Variants in EYS observed in about 807,000 individuals in gnomAD.
EYS encodes the protein protein eyes shut homolog.
A neutral mutation model predicts 282.1 loss-of-function variants in EYS; 250 were observed. That is an observed-to-expected ratio of 0.89 (90% CI 0.80 to 0.98). EYS has a LOEUF of 0.98. Among genes scored for constraint, EYS ranks in the 50% least tolerant of loss-of-function variants. The pLI is 0.00. For missense variants in EYS, 4,016 were observed against 3,709.0 expected (o/e 1.08, Z -2.15); for synonymous variants, 1,355 against 1,282.9 (o/e 1.06, Z -1.20).
At position 65,107,405 on chromosome 6, in the gene EYS, A is replaced by G. The variant is rs540287716; in HGVS notation, c.2024-49678T>C. 7.9e-5 allele frequency among the ~76,000 whole-genome samples: 12 copies of G among 151,524 alleles called. No homozygotes were observed. The South Asian group carries it at 2.3e-3, about 29-fold the overall frequency. The stretch of plus-strand genomic sequence containing the variant: ...GTTATTGTTATATAACACCTACAAT[A>G]TAATTGATTGGCTCTTGGGAACATA... On this transcript the variant is annotated intron_variant, in intron 12 of 42. Coordinates refer to ENST00000503581, the MANE Select transcript of EYS (RefSeq NM_001142800.2).
chr6:64,607,848 T>C (rs1446829103), intron 24 of EYS, among the ~76,000 whole-genome samples: 2 of 152,096 alleles, frequency 1.3e-5, no homozygotes, highest in Non-Finnish European at 2.9e-5. Flanking sequence ...TTCTAACATT[T>C]GCTATCTATG....
chr6:64,625,834 A>G (rs188919128), intron 23 of EYS, among the ~76,000 whole-genome samples: 1 of 152,336 alleles, frequency 6.6e-6, no homozygotes. Flanking sequence ...TGATACAAAG[A>G]TCAGAAGTAT....
intron 2 of EYS, among the ~76,000 whole-genome samples, chr6:65,502,972 C>T (rs1240582085): frequency 6.6e-6 from 1 of 151,646 alleles, no homozygotes; most frequent in Non-Finnish European, 1.5e-5. Context: ...ACTCTTTTAA[C>T]CCTGCCTCCA....
At chr6:65,176,714 A>G (rs1163339425) in intron 12 of EYS, among the ~76,000 whole-genome samples, 1 of 151,684 alleles carries the variant, frequency 6.6e-6, no homozygotes, top group Non-Finnish European at 1.5e-5. Context: ...AATTAGAGAT[A>G]GTAATGTCTA....
At chr6:65,625,331 T>C (rs373478099) in intron 2 of EYS, among the ~76,000 whole-genome samples, 6 of 152,220 alleles carry the variant, frequency 3.9e-5, no homozygotes, top group African/African-American at 9.6e-5. Flanking sequence ...AATTCTGACC[T>C]CTTGAAACTG....
chr6:64,810,520 A>T (rs1764561556), intron 22 of EYS, among the ~76,000 whole-genome samples: 1 of 152,066 alleles, frequency 6.6e-6, no homozygotes, highest in African/African-American at 2.4e-5. Flanking sequence ...ACAACAAAAT[A>T]TTTTAGGTTG....
chr6:64,669,590 T>A (rs1769368266), intron 22 of EYS, among the ~76,000 whole-genome samples: 1 of 152,348 alleles, frequency 6.6e-6, no homozygotes, highest in Admixed American at 6.5e-5. Flanking sequence ...ATTAAGTGAT[T>A]GCATTTATTT....
At chr6:64,876,000 G>A (rs1012320812) in intron 19 of EYS, among the ~76,000 whole-genome samples, 1 of 151,832 alleles carries the variant, frequency 6.6e-6, no homozygotes, top group Non-Finnish European at 1.5e-5. Context: ...CAATGATAAA[G>A]TTACTTGTCT....
chr6:64,481,619 G>A (rs757930507), intron 26 of EYS, among the ~76,000 whole-genome samples: 1 of 151,338 alleles, frequency 6.6e-6, no homozygotes, highest in Non-Finnish European at 1.5e-5. Context: ...GTCATAGAAT[G>A]TTAGTCCTGA....
chr6:64,397,069 T>C (rs541054412), intron 28 of EYS, among the ~76,000 whole-genome samples: 2 of 152,292 alleles, frequency 1.3e-5, no homozygotes, highest in African/African-American at 4.8e-5. Context: ...TAAATTACCT[T>C]ACTTTGCTCA....
chr6:64,296,598 ATTTTTTTTTTTT>A (rs1173183488), intron 30 of EYS, among the ~76,000 whole-genome samples: 1 of 20,134 alleles, frequency 5.0e-5, no homozygotes, highest in Admixed American at 7.8e-4. Flanking sequence ...ATATATATAT[ATTTTTTTTTTTT>A]TTTTTTTTTT....
chr6:64,799,861 A>G (rs1774483963), intron 22 of EYS, among the ~76,000 whole-genome samples: 1 of 151,940 alleles, frequency 6.6e-6, no homozygotes, highest in South Asian at 2.1e-4. Context: ...TAGAGTAAGC[A>G]AAGTGAATGT....
chr6:64,301,292 T>C (rs1437118269), intron 30 of EYS, among the ~76,000 whole-genome samples: 3 of 152,214 alleles, frequency 2.0e-5, no homozygotes, highest in African/African-American at 7.2e-5. Flanking sequence ...TTTTCTATCT[T>C]AAAGGGCAAT....
intron 8 of EYS, among the ~76,000 whole-genome samples, chr6:65,364,564 CCTTCT>C (rs1241776871): frequency 6.6e-6 from 1 of 151,168 alleles, no homozygotes; most frequent in Non-Finnish European, 1.5e-5. Flanking sequence ...CTTATGATAT[CCTTCT>C]CTTTAGGTTT....
chr6:63,988,660 T>C (rs1318317225), intron 34 of EYS, among the ~76,000 whole-genome samples: 1 of 151,584 alleles, frequency 6.6e-6, no homozygotes, highest in African/African-American at 2.4e-5. Flanking sequence ...TAATTCCTTG[T>C]GAATCAGACT....
At chr6:64,226,116 C>A (rs1766246312) in intron 31 of EYS, among the ~76,000 whole-genome samples, 1 of 152,066 alleles carries the variant, frequency 6.6e-6, no homozygotes, top group South Asian at 2.1e-4. Flanking sequence ...GTTTCCCTTG[C>A]CTTCTTAGCT....
At chr6:64,068,788 T>C (rs900709228) in intron 32 of EYS, among the ~76,000 whole-genome samples, 7 of 152,084 alleles carry the variant, frequency 4.6e-5, no homozygotes, top group African/African-American at 1.7e-4. Context: ...TACTGTGGAG[T>C]TGTGATAAGC....
intron 2 of EYS, among the ~76,000 whole-genome samples, chr6:65,574,085 A>G (rs1159962539): frequency 6.6e-6 from 1 of 152,128 alleles, no homozygotes; most frequent in African/African-American, 2.4e-5. Context: ...CACTAGTGCT[A>G]TTACTGCCCC....
At chr6:64,085,969 T>G (rs1273697139) in intron 31 of EYS, among the ~76,000 whole-genome samples, 1 of 152,224 alleles carries the variant, frequency 6.6e-6, no homozygotes, top group Non-Finnish European at 1.5e-5. Flanking sequence ...TCATTTTTAT[T>G]AAAACTTTCT....
Sources: gnomAD v4.1 joint callset for allele counts (sites outside exome capture counted in the v4.1 genomes callset) on GRCh38, gnomAD v4.1.1 for gene constraint, MANE v1.5 for transcripts, NCBI Gene and HGNC (gene_info 2026-07-23, HGNC 2026-07-21) for gene names.